MTMR7: variants seen among roughly 807,000 people sequenced by gnomAD.
The protein encoded by MTMR7 is phosphatidylinositol-3-phosphate phosphatase MTMR7.
Under a neutral mutation model 81.2 loss-of-function variants are expected in MTMR7, and 76 were observed. The observed-to-expected ratio is 0.94, with a 90% CI of 0.78 to 1.13. The LOEUF (loss-of-function observed/expected upper bound fraction) is 1.13. Ranked by LOEUF, MTMR7 falls within the 50% of genes most tolerant of loss-of-function variation. The pLI, the probability that MTMR7 is intolerant of heterozygous loss-of-function variation, is 0.00. For missense variants in MTMR7, 1,044 were observed against 820.0 expected (o/e 1.27, Z -3.34); for synonymous variants, 372 against 289.8 (o/e 1.28, Z -2.88).
chr8:17,357,196 A>G (rs1365592070), intron 4 of MTMR7, among the ~76,000 whole-genome samples: 4 of 152,250 alleles, frequency 2.6e-5, no homozygotes, highest in African/African-American at 4.8e-5. Context: ...TAATCTCTCT[A>G]TGCCTTAGAC....
intron 4 of MTMR7, among the ~76,000 whole-genome samples, chr8:17,354,644 A>G (rs1049623014): frequency 7.2e-5 from 11 of 152,222 alleles, no homozygotes; most frequent in African/African-American, 2.2e-4. Context: ...TTTCTTTTCC[A>G]TCAAATGACA....
At chr8:17,374,711 G>A (rs1163134876) in intron 1 of MTMR7, among the ~76,000 whole-genome samples, 1 of 152,136 alleles carries the variant, frequency 6.6e-6, no homozygotes, top group Non-Finnish European at 1.5e-5. Context: ...TACTCGGGAG[G>A]CTGAGGCAGG....
intron 1 of MTMR7, among the ~76,000 whole-genome samples, chr8:17,387,042 C>A (rs1820967569): frequency 6.6e-6 from 1 of 152,192 alleles, no homozygotes; most frequent in Non-Finnish European, 1.5e-5. Context: ...GCTAACCGGG[C>A]CTTCCACAAC....
intron 4 of MTMR7, among the ~76,000 whole-genome samples, chr8:17,355,778 A>C (rs1281272263): frequency 6.6e-6 from 1 of 152,188 alleles, no homozygotes; most frequent in African/African-American, 2.4e-5. Flanking sequence ...AAAGAGCAAA[A>C]ATGTGAGTAG....
At chr8:17,301,525 A>G (rs1817111705) in intron 13 of MTMR7, 1 of 152,278 alleles carries the variant, frequency 6.6e-6, no homozygotes, top group Non-Finnish European at 1.5e-5. Context: ...GAAAATCTCA[A>G]ATGCCAGCCT....
At chr8:17,310,275 A>C (rs1817710999) in intron 9 of MTMR7, among the ~76,000 whole-genome samples, 1 of 152,136 alleles carries the variant, frequency 6.6e-6, no homozygotes, top group Admixed American at 6.5e-5. Context: ...TGCTGGGATT[A>C]CAGGTGTGAG....
chr8:17,372,839 G>C (rs1051298675), intron 2 of MTMR7, among the ~76,000 whole-genome samples: 2 of 152,030 alleles, frequency 1.3e-5, no homozygotes, highest in East Asian at 3.9e-4. Flanking sequence ...TGACATTATT[G>C]AATCTCTCCT....
chr8:17,373,925 G>C (rs1156380786), intron 1 of MTMR7, among the ~76,000 whole-genome samples: 1 of 152,168 alleles, frequency 6.6e-6, no homozygotes, highest in Non-Finnish European at 1.5e-5. Flanking sequence ...TGTGCACTGA[G>C]ATCATCCTAA....
rs1274780965 is a variant in MTMR7 at position 17,298,666 on chromosome 8, A to AAT, written c.*1194_*1195dup. 2.6e-5 allele frequency: 4 copies of AAT among 152,556 alleles called. No homozygotes were observed. Among genetic ancestry groups the AAT allele is most frequent in the African/African-American group, 9.7e-5 (4 of 41,442 alleles). The allele number at this position is 152,556 out of a possible 1,614,324, so 9.5% of individuals were successfully genotyped here. On this transcript the variant is annotated 3_prime_UTR_variant, in exon 14 of 14. Coordinates refer to ENST00000180173, the MANE Select transcript of MTMR7 (RefSeq NM_004686.5). Reference sequence around the variant, plus strand: ...ATCCTTTTACATTCTAGAATGTACTAATATATTAAAACCATACAGTGTGAA... The same window carrying AAT: ...ATCCTTTTACATTCTAGAATGTACTAATATATATTAAAACCATACAGTGTGAA...
At chr8:17,349,472 C>T in intron 4 of MTMR7, 1 of 184,510 alleles carries the variant, frequency 5.4e-6, no homozygotes, top group Non-Finnish European at 1.2e-5. Context: ...AGACAGTTTT[C>T]CTAAAACATA....
intron 1 of MTMR7, among the ~76,000 whole-genome samples, chr8:17,404,397 G>A (rs543617725): frequency 2.8e-4 from 43 of 152,206 alleles, no homozygotes; most frequent in African/African-American, 9.9e-4. Context: ...TTGGGACATA[G>A]TGAAATTGAG....
intron 5 of MTMR7, among the ~76,000 whole-genome samples, chr8:17,348,602 G>A (rs946674259): frequency 6.1e-5 from 8 of 130,780 alleles, no homozygotes; most frequent in African/African-American, 1.6e-4. Flanking sequence ...CATGGACTTC[G>A]GGGGCTTTTC....
intron 7 of MTMR7, 64 bp downstream of exon 7, chr8:17,331,086 T>C (rs1818975971): frequency 6.5e-7 from 1 of 1,549,186 alleles, no homozygotes; most frequent in African/African-American, 1.4e-5. Context: ...AAGACTATCT[T>C]ATTCCCTTTT....
intron 1 of MTMR7, among the ~76,000 whole-genome samples, chr8:17,408,395 C>CAAAAAAAAAAAAAAAA (rs530240881): frequency 5.5e-4 from 13 of 23,510 alleles, no homozygotes; most frequent in Non-Finnish European, 9.8e-4. Context: ...GACTCCGTCT[C>CAAAAAAAAAAAAAAAA]AAAAAAAAAA....
At chr8:17,395,969 T>C (rs1437906537) in intron 1 of MTMR7, among the ~76,000 whole-genome samples, 1 of 152,180 alleles carries the variant, frequency 6.6e-6, no homozygotes, top group Non-Finnish European at 1.5e-5. Flanking sequence ...ATGACCTCAA[T>C]CTTAACAGAT....
chr8:17,313,498 T>G, intron 7 of MTMR7, 97 bp from the exon 8 acceptor site: 1 of 752,340 alleles, frequency 1.3e-6, no homozygotes, highest in East Asian at 2.6e-5. Flanking sequence ...ATTCCTTTGT[T>G]GTATTAGGTA....
chr8:17,400,596 T>G (rs1478331464), intron 1 of MTMR7, among the ~76,000 whole-genome samples: 1 of 152,198 alleles, frequency 6.6e-6, no homozygotes, highest in Non-Finnish European at 1.5e-5. Context: ...TTCTTGTCGT[T>G]GCAATTTGAT....
intron 1 of MTMR7, among the ~76,000 whole-genome samples, chr8:17,393,372 A>G (rs369962222): frequency 6.6e-6 from 1 of 152,210 alleles, no homozygotes; most frequent in East Asian, 1.9e-4. Flanking sequence ...ACCAAAGGAA[A>G]ATAGATAAAT....
chr8:17,303,539 G>C (rs181536202), intron 12 of MTMR7, among the ~76,000 whole-genome samples: 1 of 151,750 alleles, frequency 6.6e-6, no homozygotes, highest in Non-Finnish European at 1.5e-5. Flanking sequence ...AAAAACATAC[G>C]TATCTAGCAC....
Sources: gnomAD v4.1 joint callset for allele counts (sites outside exome capture counted in the v4.1 genomes callset) on GRCh38, gnomAD v4.1.1 for gene constraint, MANE v1.5 for transcripts, NCBI Gene and HGNC (gene_info 2026-07-23, HGNC 2026-07-21) for gene names.